CENPC: variants seen among roughly 807,000 people sequenced by gnomAD.
The protein encoded by CENPC is CENP-C 1.
CENPC carries 63 observed loss-of-function variants against 112.1 expected under a neutral mutation model. That is an observed-to-expected ratio of 0.56 (90% CI 0.46 to 0.69). CENPC has a LOEUF of 0.69. Ranked by LOEUF, CENPC falls within the 30% of genes least tolerant of loss-of-function variation. The pLI is 0.00. For synonymous variants in CENPC, 333 were observed against 367.6 expected (o/e 0.91, Z 1.08); for missense variants, 1,000 against 1,103.8 (o/e 0.91, Z 1.33).
intron 12 of CENPC, 25 bp from the exon 13 acceptor site, chr4:67,495,237 A>G (rs2646282): frequency 0.89 from 1,335,344 of 1,498,682 alleles, 595,593 homozygotes; most frequent in Admixed American, 0.94. Context: ...AGATAATATC[A>G]TAAGAAATGA....
In CENPC at chr4:67,541,043, C is replaced by T. The variant is rs997219265; in HGVS notation, c.73G>A (p.Asp25Asn). The change falls in exon 3 of 19, where the codon GAC (aspartate) becomes AAC (asparagine). Residue 25 changes from aspartate to asparagine, a missense_variant. Coordinates refer to ENST00000273853, the MANE Select transcript of CENPC (RefSeq NM_001812.4). ...TTCTGGCCTTGCTCTGTGTTAATGT[C>T]ACGTGCCCTAATAAAGGAAAAATAC... ...RRFCRPSRAR[D>N]INTEQGQNVL... 5.0e-6 allele frequency: 8 copies of T among 1,604,178 alleles called. 1 individual carries two copies. Among genetic ancestry groups the T allele is most frequent in the African/African-American group, 4.0e-5 (3 of 74,750 alleles).
chr4:67,516,532 T>C (rs1366592370), intron 7 of CENPC, among the ~76,000 whole-genome samples: 2 of 152,046 alleles, frequency 1.3e-5, no homozygotes, highest in East Asian at 3.8e-4. Flanking sequence ...TCTATTCCTC[T>C]AATCGCAAAC....
intron 10 of CENPC, among the ~76,000 whole-genome samples, chr4:67,507,783 A>G (rs1479124697): frequency 3.3e-5 from 5 of 152,136 alleles, no homozygotes. Context: ...AACAAAGACA[A>G]CAGAAGCAAA....
At chr4:67,541,821 TAA>T (rs1726897283) in intron 2 of CENPC, among the ~76,000 whole-genome samples, 2 of 152,176 alleles carry the variant, frequency 1.3e-5, no homozygotes. Context: ...TTTGTAATCA[TAA>T]CCACCTTTCT....
At chr4:67,490,837 AATATAT>A (rs57498869) in intron 16 of CENPC, among the ~76,000 whole-genome samples, 1,288 of 56,978 alleles carry the variant, frequency 0.023, 13 homozygotes, top group Middle Eastern at 0.04. Context: ...TATAGAAATA[AATATAT>A]ATATATATAT....
chr4:67,534,491 G>A (rs1164656524), intron 4 of CENPC, among the ~76,000 whole-genome samples: 2 of 152,184 alleles, frequency 1.3e-5, no homozygotes, highest in Non-Finnish European at 2.9e-5. Flanking sequence ...TAATCAGAGA[G>A]ACTGTGATAT....
At position 67,514,102 on chromosome 4, in the gene CENPC, A is replaced by C. The variant is rs377757363; in HGVS notation, c.1416T>G (p.Cys472Trp). The change falls in exon 8 of 19, where the codon TGT becomes TGG. Residue 472 changes from cysteine (C) to tryptophan (W), a missense_variant. Cys to Trp is a radical substitution (Grantham distance 215). Coordinates refer to ENST00000273853, the MANE Select transcript of CENPC (RefSeq NM_001812.4). ...CAGGTGGCATCTGTTTTTTGGAAAC[A>C]CAATCATTTCCCATCTCTTCATGCT... ...MEEHEEMGND[C>W]VSKKQMPPVG... 8.1e-6 allele frequency: 13 copies of C among 1,599,480 alleles called. No individual in the cohort carries two copies. The highest frequency in any genetic ancestry group is 1.0e-5 in the Non-Finnish European group (12 of 1,174,944).
intron 13 of CENPC, 87 bp downstream of exon 13, chr4:67,495,072 T>G: frequency 2.4e-6 from 3 of 1,230,578 alleles, no homozygotes; most frequent in Non-Finnish European, 3.3e-6. Flanking sequence ...GTATTTCTCC[T>G]GCTTAAGAAG....
At chr4:67,495,750 A>T (rs1560425534) in intron 12 of CENPC, among the ~76,000 whole-genome samples, 1 of 152,236 alleles carries the variant, frequency 6.6e-6, no homozygotes, top group African/African-American at 2.4e-5. Context: ...TGGATAATTA[A>T]TATGCTATTT....
intron 5 of CENPC, among the ~76,000 whole-genome samples, chr4:67,522,939 G>A (rs1426778548): frequency 1.3e-5 from 2 of 152,018 alleles, no homozygotes; most frequent in Non-Finnish European, 2.9e-5. Context: ...GGCGGAGGTT[G>A]CAGTGCACCA....
In CENPC at chr4:67,534,635, C is replaced by A. The variant is rs147931704; in HGVS notation, c.232-3721G>T. On this transcript the variant is annotated intron_variant, in intron 4 of 18. Transcript: ENST00000273853. The stretch of plus-strand genomic sequence containing the variant: ...AAAACAATCGCAGTTAGACTTGAAC[C>A]GCCAAGCGGGAAAGATTTCTTTGTC... Among the ~76,000 whole-genome samples, 9 of 152,292 alleles carry A rather than the reference C, an allele frequency of 5.9e-5. No homozygotes were observed. The East Asian group carries it at 1.4e-3, about 23-fold the overall frequency.
chr4:67,491,540 A>AGAGAGAGAGAGAGAGAGAGAGAGAG (rs1725281943), intron 16 of CENPC, among the ~76,000 whole-genome samples: 1 of 83,892 alleles, frequency 1.2e-5, no homozygotes, highest in African/African-American at 4.1e-5. Context: ...CTGGTTGTTA[A>AGAGAGAGAGAGAGAGAGAGAGAGAG]ACAGTTGCGT....
chr4:67,481,690 A>T (rs1724961925), intron 17 of CENPC, among the ~76,000 whole-genome samples: 1 of 152,158 alleles, frequency 6.6e-6, no homozygotes, highest in African/African-American at 2.4e-5. Context: ...TGGGATAACC[A>T]GTAAGGCACA....
chr4:67,499,274 T>C (rs1242538881), intron 12 of CENPC, among the ~76,000 whole-genome samples: 2 of 152,242 alleles, frequency 1.3e-5, no homozygotes, highest in Non-Finnish European at 2.9e-5. Flanking sequence ...TTTGAAGTCA[T>C]GCATTGACTT....
At chr4:67,473,225 C>A (rs1234763095) in intron 18 of CENPC, among the ~76,000 whole-genome samples, 2 of 152,008 alleles carry the variant, frequency 1.3e-5, no homozygotes, top group Admixed American at 1.3e-4. Context: ...GCCACCGCGC[C>A]CGGCCAAAAT....
chr4:67,485,966 T>C (rs1725082922), intron 17 of CENPC, among the ~76,000 whole-genome samples: 1 of 151,998 alleles, frequency 6.6e-6, no homozygotes, highest in African/African-American at 2.4e-5. Flanking sequence ...ATATACTGCC[T>C]CCCTAAATGG....
rs927654664 is a variant in CENPC, at chr4:67,514,186, T to C, written c.1332A>G (p.Ile444Met). 1.2e-6 allele frequency: 2 copies of C among 1,612,860 alleles called. No homozygotes were observed. The highest frequency in any genetic ancestry group is 1.3e-5 in the African/African-American group (1 of 74,942). Residue 444 changes from isoleucine to methionine, a missense_variant, in exon 8 of 19, where the codon ATA becomes ATG. By Grantham distance (10) the Ile-to-Met change is conservative. Coordinates refer to ENST00000273853, the MANE Select transcript of CENPC (RefSeq NM_001812.4). The stretch of plus-strand genomic sequence containing the variant: ...CGTCTTGGGTAATATGTGATGTATG[T>C]ATGTTTTCATCTTTAGACTGTCCCA... Reference protein sequence around the residue: ...LDVGQSKDENIHTSHITQDEF... With the variant: ...LDVGQSKDENMHTSHITQDEF...
chr4:67,504,992 C>T (rs930321186), intron 12 of CENPC: 34 of 533,578 alleles, frequency 6.4e-5, no homozygotes, highest in African/African-American at 6.1e-4. Context: ...CCTTAAGTGC[C>T]AATATTTCAT....
rs1186473566 is a variant in CENPC, at chr4:67,474,969, C to G, written c.2680G>C (p.Val894Leu). The change falls in exon 18 of 19, where the codon GTT (valine) becomes CTT (leucine). Residue 894 changes from valine (V) to leucine (L), a missense_variant. By Grantham distance (32) the Val-to-Leu change is conservative (BLOSUM62 1). Coordinates refer to ENST00000273853, the MANE Select transcript of CENPC (RefSeq NM_001812.4). ...GTACACAAAAGGTCACCAAAGTTAA[C>G]ATAAAAAACCTGTAAAAATAAAAAT... ...HVGQDILVFY[V>L]NFGDLLCTLH... 35 of 1,486,494 alleles carry G rather than the reference C, an allele frequency of 2.4e-5. No individual in the cohort carries two copies. The highest frequency in any genetic ancestry group is 3.1e-5 in the Non-Finnish European group (34 of 1,099,714). The allele number at this position is 1,486,494 out of a possible 1,614,324, so 92.1% of individuals were successfully genotyped here.
Sources: gnomAD v4.1 joint callset for allele counts (sites outside exome capture counted in the v4.1 genomes callset) on GRCh38, gnomAD v4.1.1 for gene constraint, MANE v1.5 for transcripts, NCBI Gene and HGNC (gene_info 2026-07-23, HGNC 2026-07-21) for gene names.